The following AK8 variants were observed in gnomAD, a reference collection of about 807,000 sequenced individuals.
AK8 encodes the protein adenylate kinase 8, also known as ATP-AMP transphosphorylase 8.
A neutral mutation model predicts 54.6 loss-of-function variants in AK8; 44 were observed. The ratio of observed to expected loss-of-function variants is 0.81; its 90% CI spans 0.63 to 1.04. The LOEUF (loss-of-function observed/expected upper bound fraction) is 1.04, where lower values mean the gene tolerates loss of function less well. Among genes scored for constraint, AK8 ranks in the 50% least tolerant of loss-of-function variants. The pLI, the probability that AK8 is intolerant of heterozygous loss-of-function variation, is 0.00. For missense variants in AK8, 555 were observed against 613.6 expected (o/e 0.90, Z 1.01); for synonymous variants, 239 against 245.6 (o/e 0.97, Z 0.25).
intron 11 of AK8, among the ~76,000 whole-genome samples, chr9:132,742,402 G>A (rs1040426915): frequency 1.3e-5 from 2 of 152,080 alleles, no homozygotes; most frequent in African/African-American, 2.4e-5. Context: ...GGTCTTTTGG[G>A]CTCAAGTAAT....
At chr9:132,774,035 T>A (rs1204492014) in intron 11 of AK8, among the ~76,000 whole-genome samples, 1 of 152,116 alleles carries the variant, frequency 6.6e-6, no homozygotes, top group Non-Finnish European at 1.5e-5. Context: ...TTCCCTTGGC[T>A]TCTGGATGCT....
intron 4 of AK8, among the ~76,000 whole-genome samples, chr9:132,857,129 C>G (rs559106749): frequency 6.6e-6 from 1 of 152,286 alleles, no homozygotes; most frequent in Admixed American, 6.5e-5. Context: ...GTATCCTTAT[C>G]CTACCGCCCC....
At position 132,837,589 on chromosome 9, in the gene AK8, T is replaced by G. The variant is rs1485889163; in HGVS notation, c.403-8863A>C. Among the ~76,000 whole-genome samples, 1 of 152,152 alleles carries G rather than the reference T, an allele frequency of 6.6e-6. No homozygotes were observed. Among genetic ancestry groups the G allele is most frequent in the Non-Finnish European group, 1.5e-5 (1 of 68,026 alleles). ...CTGTCCTGCATTTGATCATCTCTTT[T>G]TCCTCTTCTACTGCAGTGAGAGGGA... On this transcript the variant is annotated intron_variant, in intron 5 of 12. Transcript: ENST00000298545. This position sits in a 1 kb window ranked among gnomAD's most constrained non-coding sequence, Gnocchi z 4.3.
intron 11 of AK8, among the ~76,000 whole-genome samples, chr9:132,767,329 C>T (rs941286954): frequency 2.2e-4 from 34 of 152,124 alleles, no homozygotes; most frequent in Middle Eastern, 3.4e-3. Flanking sequence ...AGAAGATATA[C>T]GAATGGCCAA....
chr9:132,739,485 T>C (rs1037485545), intron 11 of AK8, among the ~76,000 whole-genome samples: 1 of 141,926 alleles, frequency 7.0e-6, no homozygotes, highest in African/African-American at 2.7e-5. Context: ...AAAAAAAGAT[T>C]GTTCCTGCTT....
Position 132,799,150 on chromosome 9 carries a change from C to G in AK8, c.980-6375G>C, listed in dbSNP as rs896350086. Among the ~76,000 whole-genome samples the G allele has an allele frequency of 3.3e-5, 5 of 152,174 alleles. No individual in the cohort carries two copies. Among genetic ancestry groups the G allele is most frequent in the African/African-American group, 1.2e-4 (5 of 41,436 alleles). Reference sequence around the variant, plus strand: ...GCGGTTTTCCAGCAGGCACCAGAGGCCCCTCCTGCTGCGCCACGCCGCCGC... The same window carrying G: ...GCGGTTTTCCAGCAGGCACCAGAGGGCCCTCCTGCTGCGCCACGCCGCCGC... On this transcript the variant is annotated intron_variant, in intron 10 of 12. Coordinates refer to ENST00000298545, the MANE Select transcript of AK8 (RefSeq NM_152572.3). The surrounding 1 kb of genome is among the most constrained non-coding windows in gnomAD (Gnocchi z 5.0).
chr9:132,795,728 C>T (rs909457110), intron 10 of AK8, among the ~76,000 whole-genome samples: 22 of 152,206 alleles, frequency 1.4e-4, no homozygotes, highest in African/African-American at 4.8e-4. Flanking sequence ...CACGCTGTCT[C>T]GGGGAGACAA....
At chr9:132,877,950 C>A (rs1458826587) in intron 1 of AK8, 5 of 1,182,398 alleles carry the variant, frequency 4.2e-6, no homozygotes, top group Non-Finnish European at 6.1e-6. Context: ...CCCCCTTCCT[C>A]CCCCTGGGTC....
chr9:132,797,832 T>C (rs1036372410), intron 10 of AK8, among the ~76,000 whole-genome samples: 4 of 152,218 alleles, frequency 2.6e-5, no homozygotes, highest in Admixed American at 6.5e-5. Context: ...CTCTCCCTTT[T>C]GGGGGACCTG....
At chr9:132,795,555 A>G (rs1840129495) in intron 10 of AK8, among the ~76,000 whole-genome samples, 1 of 152,188 alleles carries the variant, frequency 6.6e-6, no homozygotes. Context: ...ATATTTACAG[A>G]TATTTTCACG....
At chr9:132,831,160 A>G (rs746939806) in intron 5 of AK8, among the ~76,000 whole-genome samples, 3 of 151,848 alleles carry the variant, frequency 2.0e-5, no homozygotes, top group Admixed American at 6.6e-5. Context: ...TTTATAAGTT[A>G]TCGTAATGTC....
At chr9:132,805,982 GC>G (rs1413892212) in intron 10 of AK8, among the ~76,000 whole-genome samples, 1 of 152,042 alleles carries the variant, frequency 6.6e-6, no homozygotes, top group African/African-American at 2.4e-5. Context: ...CCACCCTACA[GC>G]GGGGGCTCTG....
intron 11 of AK8, among the ~76,000 whole-genome samples, chr9:132,734,906 C>T (rs1837025974): frequency 6.6e-6 from 1 of 152,204 alleles, no homozygotes; most frequent in East Asian, 1.9e-4. Context: ...TGGCATGCGC[C>T]TGTAGTCCCA....
At chr9:132,819,256 T>C (rs1408744947) in intron 9 of AK8, among the ~76,000 whole-genome samples, 4 of 152,244 alleles carry the variant, frequency 2.6e-5, no homozygotes, top group South Asian at 2.1e-4. Flanking sequence ...AACTGTTGCA[T>C]AGCATTTACA....
At chr9:132,749,234 C>G (rs1410070392) in intron 11 of AK8, among the ~76,000 whole-genome samples, 1 of 151,982 alleles carries the variant, frequency 6.6e-6, no homozygotes, top group Non-Finnish European at 1.5e-5. Flanking sequence ...ACGCAATCTT[C>G]TCTTTGTAGG....
chr9:132,801,676 TG>T (rs1251759738), intron 10 of AK8, among the ~76,000 whole-genome samples: 2 of 152,186 alleles, frequency 1.3e-5, no homozygotes, highest in African/African-American at 4.8e-5. Context: ...CCCAGTTTTC[TG>T]GGAGGGAAAA....
chr9:132,830,667 T>A (rs934018490), intron 5 of AK8, among the ~76,000 whole-genome samples: 1 of 152,242 alleles, frequency 6.6e-6, no homozygotes, highest in Non-Finnish European at 1.5e-5. Flanking sequence ...TGAACCCATT[T>A]TGGCAAACAC....
At chr9:132,743,089 C>T (rs2130984343) in intron 11 of AK8, among the ~76,000 whole-genome samples, 1 of 152,334 alleles carries the variant, frequency 6.6e-6, no homozygotes, top group East Asian at 1.9e-4. Flanking sequence ...CTTTAGCTCC[C>T]CGGGGCTGTG....
intron 11 of AK8, among the ~76,000 whole-genome samples, chr9:132,762,061 G>T (rs774923252): frequency 7.9e-5 from 12 of 152,070 alleles, no homozygotes; most frequent in African/African-American, 1.2e-4. Context: ...GTAGAAATGG[G>T]GTTTTACCAT....
Sources: allele counts gnomAD v4.1 joint callset (sites outside exome capture counted in the v4.1 genomes callset), GRCh38; gene constraint gnomAD v4.1.1; non-coding constraint Gnocchi (gnomAD v3.1); transcripts MANE v1.5; gene names NCBI Gene and HGNC (gene_info 2026-07-23, HGNC 2026-07-21).